SLC26A5: variants seen among roughly 807,000 people sequenced by gnomAD.
SLC26A5 encodes the protein prestin.
SLC26A5 carries 51 observed loss-of-function variants against 81.0 expected under a neutral mutation model. That is an observed-to-expected ratio of 0.63 (90% CI 0.50 to 0.80). The LOEUF (loss-of-function observed/expected upper bound fraction) is 0.80, where lower values mean the gene tolerates loss of function less well. SLC26A5 is among the 30% of genes least tolerant of loss of function. The pLI, the probability that SLC26A5 is intolerant of heterozygous loss-of-function variation, is 0.00. For synonymous variants in SLC26A5, 325 were observed against 332.8 expected (o/e 0.98, Z 0.25); for missense variants, 771 against 905.8 (o/e 0.85, Z 1.91).
intron 2 of SLC26A5, among the ~76,000 whole-genome samples, chr7:103,424,439 G>T (rs1171441371): frequency 1.3e-5 from 2 of 152,168 alleles, no homozygotes; most frequent in Non-Finnish European, 2.9e-5. Context: ...ACTGGGAGGT[G>T]AATGAAATCT....
At chr7:103,374,963 C>T (rs1396505177) in intron 19 of SLC26A5, among the ~76,000 whole-genome samples, 2 of 148,900 alleles carry the variant, frequency 1.3e-5, no homozygotes, top group African/African-American at 4.9e-5. Flanking sequence ...TTATTTCCCA[C>T]TTTTCTTATC....
rs757422158 is a variant in SLC26A5, at chr7:103,407,963, A to G, written c.776T>C (p.Val259Ala). 1 of 1,614,172 alleles carries G rather than the reference A, an allele frequency of 6.2e-7. No individual in the cohort carries two copies. Among genetic ancestry groups the G allele is most frequent in the South Asian group, 1.1e-5 (1 of 91,072 alleles). Residue 259 changes from valine to alanine, a missense_variant, in exon 8 of 20, where the codon GTG (valine) becomes GCG (alanine). By Grantham distance (64) the Val-to-Ala change is moderately conservative. Transcript: ENST00000306312. The part of the protein sequence containing the change: ...AVLQNVKNLN[V>A]CSLGVGLMVF... The stretch of plus-strand genomic sequence containing the variant: ...CATCAGCCCGACGCCTAGGGAACAC[A>G]CGTTGAGGTTTTTAACATTCTGCAA...
At chr7:103,445,746 C>T (rs1490854465) in intron 1 of SLC26A5, 1 of 152,318 alleles carries the variant, frequency 6.6e-6, no homozygotes, top group African/African-American at 2.4e-5. Flanking sequence ...TGGATACAAA[C>T]AGGCCAGACC....
chr7:103,403,482 C>T (rs1415491038), intron 8 of SLC26A5, among the ~76,000 whole-genome samples: 1 of 152,056 alleles, frequency 6.6e-6, no homozygotes, highest in Non-Finnish European at 1.5e-5. Flanking sequence ...TTAAAGTCTC[C>T]CACTATTATT....
At chr7:103,439,219 G>T (rs567731980) in intron 2 of SLC26A5, among the ~76,000 whole-genome samples, 1 of 152,218 alleles carries the variant, frequency 6.6e-6, no homozygotes, top group South Asian at 2.1e-4. Flanking sequence ...AGCCAGCCTT[G>T]GGGGAAAGGA....
intron 19 of SLC26A5, chr7:103,363,289 G>C: frequency 7.2e-7 from 1 of 1,395,476 alleles, no homozygotes; most frequent in Non-Finnish European, 1.0e-6. Context: ...ATTGAATTTG[G>C]ACAGTATCCA....
rs756088595 is a variant in SLC26A5, at chr7:103,377,729, A to T, written c.1856T>A (p.Ile619Lys). 1 of 1,614,050 alleles carries T rather than the reference A, an allele frequency of 6.2e-7. No homozygotes were observed. Among genetic ancestry groups the T allele is most frequent in the South Asian group, 1.1e-5 (1 of 91,072 alleles). Residue 619 changes from isoleucine to lysine, a missense_variant, in exon 18 of 20, where the codon ATA (isoleucine) becomes AAA (lysine). Coordinates refer to ENST00000306312, the MANE Select transcript of SLC26A5 (RefSeq NM_198999.3). The stretch of plus-strand genomic sequence containing the variant: ...CTCAGGAAATGTGCTTTTGATCACT[A>T]TTGGGGGATATTTTACTTCACCATC... ...EEDGEVKYPP[I>K]VIKSTFPEEM... is the part of the protein sequence containing the mutation.
rs752734470 is a variant in SLC26A5 at position 103,410,448 on chromosome 7, G to A, written c.672C>T (p.Ser224=). Residue 224 remains serine (S), a synonymous_variant, in exon 7 of 20, where the codon TCC becomes TCT. Transcript: ENST00000306312. The part of the protein sequence containing the change: ...TTAAAVHVFT[S]MLKYLFGVKT... ...TAACTCCAAACAGATATTTTAACATGGAGGTGAAGACATGCACAGCTGCTG... is the reference window on the plus strand; with the variant it reads ...TAACTCCAAACAGATATTTTAACATAGAGGTGAAGACATGCACAGCTGCTG... 9.3e-6 allele frequency: 15 copies of A among 1,613,886 alleles called. No individual in the cohort carries two copies. The highest frequency in any genetic ancestry group is 1.3e-5 in the Non-Finnish European group (15 of 1,179,894).
intron 19 of SLC26A5, among the ~76,000 whole-genome samples, chr7:103,376,598 C>T (rs1278639009): frequency 1.3e-5 from 2 of 152,182 alleles, no homozygotes; most frequent in East Asian, 3.8e-4. Context: ...TTTCCTCCAA[C>T]TCCAGTTCAG....
intron 19 of SLC26A5, among the ~76,000 whole-genome samples, chr7:103,356,563 T>A (rs1820043816): frequency 6.6e-6 from 1 of 152,242 alleles, no homozygotes; most frequent in Non-Finnish European, 1.5e-5. Flanking sequence ...TGTACTGTGT[T>A]GATTACTAGT....
chr7:103,395,729 C>T (rs1823059702), intron 9 of SLC26A5, among the ~76,000 whole-genome samples: 1 of 151,604 alleles, frequency 6.6e-6, no homozygotes, highest in African/African-American at 2.4e-5. Context: ...CCATGTTTGC[C>T]AGGCTGGTCT....
intron 8 of SLC26A5, among the ~76,000 whole-genome samples, chr7:103,403,864 A>G (rs949125921): frequency 5.3e-5 from 8 of 152,112 alleles, no homozygotes; most frequent in African/African-American, 1.9e-4. Flanking sequence ...TGGGGCATTT[A>G]GCCCTCTTAC....
At chr7:103,353,859 T>G in intron 19 of SLC26A5, 4 of 1,445,268 alleles carry the variant, frequency 2.8e-6, no homozygotes, top group South Asian at 2.4e-5. Context: ...CTCTAGTTTC[T>G]TTTTTAAAAA....
chr7:103,375,150 T>C (rs1821264857), intron 19 of SLC26A5, among the ~76,000 whole-genome samples: 1 of 148,872 alleles, frequency 6.7e-6, no homozygotes, highest in South Asian at 2.1e-4. Flanking sequence ...GGGAAATATA[T>C]AGATTAATGT....
intron 14 of SLC26A5, chr7:103,388,756 T>C: frequency 4.8e-6 from 2 of 416,238 alleles, no homozygotes; most frequent in Non-Finnish European, 9.2e-6. Context: ...GAAATTAGGC[T>C]CTTTTAACAT....
intron 9 of SLC26A5, 119 bp from the exon 10 acceptor site, chr7:103,393,185 T>G (rs933192829): frequency 8.0e-6 from 10 of 1,255,804 alleles, no homozygotes; most frequent in Non-Finnish European, 1.0e-5. Flanking sequence ...AATCAATGCT[T>G]GGATACTTAT....
chr7:103,378,321 A>G (rs1821507198), intron 17 of SLC26A5, 125 bp downstream of exon 17: 1 of 875,474 alleles, frequency 1.1e-6, no homozygotes, highest in African/African-American at 1.6e-5. Context: ...AGAGGATACT[A>G]AGGTGGTTTC....
At chr7:103,397,828 A>G in intron 9 of SLC26A5, 104 bp downstream of exon 9, 1 of 882,652 alleles carries the variant, frequency 1.1e-6, no homozygotes, top group Non-Finnish European at 1.9e-6. Context: ...TTTGATGTAT[A>G]GAAAAAAGAT....
At position 103,410,366 on chromosome 7, in the gene SLC26A5, C is replaced by T. The variant is rs1418630083; in HGVS notation, c.735+19G>A. On this transcript the variant is annotated intron_variant, in intron 7 of 19. Coordinates refer to ENST00000306312, the MANE Select transcript of SLC26A5 (RefSeq NM_198999.3). ...AATAAAGAGAAAAGTACCAGAACGT[C>T]AGGTAGTTTCTTACTTACATACACC... The T allele has an allele frequency of 1.2e-6, 2 of 1,604,434 alleles. No homozygotes were observed. The highest frequency in any genetic ancestry group is 2.2e-5 in the East Asian group (1 of 44,826).
Sources: gnomAD v4.1 joint callset for allele counts (sites outside exome capture counted in the v4.1 genomes callset) on GRCh38, gnomAD v4.1.1 for gene constraint, MANE v1.5 for transcripts, NCBI Gene and HGNC (gene_info 2026-07-23, HGNC 2026-07-21) for gene names.